The following STARD13 variants were observed in gnomAD, a reference collection of about 807,000 sequenced individuals.
STARD13 encodes StAR related lipid transfer domain containing 13.
A neutral mutation model predicts 106.4 loss-of-function variants in STARD13; 62 were observed. The ratio of observed to expected loss-of-function variants is 0.58; its 90% CI spans 0.48 to 0.72. The LOEUF (loss-of-function observed/expected upper bound fraction) is 0.72, where lower values mean the gene tolerates loss of function less well. Among genes scored for constraint, STARD13 ranks in the 30% least tolerant of loss-of-function variants. STARD13 has a pLI of 0.00. For missense variants in STARD13, 1,387 were observed against 1,424.0 expected, an observed-to-expected ratio of 0.97 and a Z score of 0.42; for synonymous variants, 565 against 553.0, an observed-to-expected ratio of 1.02 and a Z score of -0.31.
At chr13:33,369,861 C>T in the STARD13 span, among the ~76,000 whole-genome samples, 1 of 152,188 alleles carries the variant, frequency 6.6e-6, no homozygotes, top group African/African-American at 2.4e-5. Flanking sequence ...CAAGAAATAT[C>T]GATCAGTTCA....
intron 1 of STARD13, chr13:33,334,931 C>A (rs2077878186): frequency 6.6e-6 from 1 of 150,662 alleles, no homozygotes; most frequent in South Asian, 2.1e-4. Context: ...TTTTAAAAAG[C>A]TTTTCTGGTA....
chr13:33,586,065 A>G, the STARD13 span, among the ~76,000 whole-genome samples: 1 of 152,234 alleles, frequency 6.6e-6, no homozygotes, highest in Admixed American at 6.5e-5. Context: ...AATGATTAAA[A>G]AGGTAAATTT....
chr13:33,498,054 T>G, the STARD13 span, among the ~76,000 whole-genome samples: 1 of 152,190 alleles, frequency 6.6e-6, no homozygotes, highest in Non-Finnish European at 1.5e-5. Flanking sequence ...AAAAAAGAGC[T>G]GTCATACCAA....
chr13:33,599,499 C>T, the STARD13 span, among the ~76,000 whole-genome samples: 2 of 152,110 alleles, frequency 1.3e-5, no homozygotes, highest in Non-Finnish European at 2.9e-5. Flanking sequence ...AACTTCATTC[C>T]TAGGAGCTTA....
At chr13:33,416,697 T>G in the STARD13 span, among the ~76,000 whole-genome samples, 1 of 152,184 alleles carries the variant, frequency 6.6e-6, no homozygotes, top group Non-Finnish European at 1.5e-5. Flanking sequence ...TAATTCCAAG[T>G]GGACTGCAGA....
intron 1 of STARD13, among the ~76,000 whole-genome samples, chr13:33,306,566 G>C (rs991148389): frequency 6.6e-6 from 1 of 152,146 alleles, no homozygotes; most frequent in African/African-American, 2.4e-5. Context: ...GAAAATTTTT[G>C]CAATCTATCC....
At chr13:33,145,627 T>G (rs1049805699) in intron 3 of STARD13, among the ~76,000 whole-genome samples, 6 of 152,112 alleles carry the variant, frequency 3.9e-5, no homozygotes, top group Non-Finnish European at 7.4e-5. Flanking sequence ...CAAATGTCCA[T>G]CAGCTGGTAA....
chr13:33,242,665 T>C (rs1889589978), intron 1 of STARD13, among the ~76,000 whole-genome samples: 1 of 152,022 alleles, frequency 6.6e-6, no homozygotes, highest in Non-Finnish European at 1.5e-5. Context: ...TGTTCACATG[T>C]TTATCTGCTG....
At chr13:33,524,771 T>C in the STARD13 span, among the ~76,000 whole-genome samples, 2 of 152,110 alleles carry the variant, frequency 1.3e-5, no homozygotes, top group Non-Finnish European at 2.9e-5. Flanking sequence ...GATATGATGT[T>C]TTAAAACATG....
chr13:33,476,916 A>T, the STARD13 span, among the ~76,000 whole-genome samples: 3 of 152,208 alleles, frequency 2.0e-5, no homozygotes, highest in African/African-American at 7.2e-5. Flanking sequence ...GGAGAAGGTG[A>T]CACCAAAATG....
chr13:33,238,930 A>G (rs1889329325), intron 1 of STARD13, among the ~76,000 whole-genome samples: 1 of 152,094 alleles, frequency 6.6e-6, no homozygotes, highest in South Asian at 2.1e-4. Flanking sequence ...GAGGTAACAC[A>G]TTAGTGTTTT....
rs537257643 is a variant in STARD13 at position 33,190,647 on chromosome 13, C to T, written c.170-23025G>A. On this transcript the variant is annotated intron_variant, in intron 1 of 13. Transcript: ENST00000336934. ...TATTGCCTAGGCTGGAGTGCAATGG[C>T]ACAATCTTGGCTCACTGCAACCTCC... 6.7e-4 allele frequency among the ~76,000 whole-genome samples: 100 copies of T among 149,058 alleles called. 1 individual carries two copies. The highest frequency in any genetic ancestry group is 2.4e-3 in the Admixed American group (36 of 14,830).
the STARD13 span, among the ~76,000 whole-genome samples, chr13:33,383,411 G>C: frequency 3.9e-5 from 6 of 152,082 alleles, no homozygotes; most frequent in Admixed American, 3.9e-4. Flanking sequence ...CTTCTGCAGG[G>C]ACCAGTGTAA....
the STARD13 span, among the ~76,000 whole-genome samples, chr13:33,555,306 C>CAAGAGG: frequency 6.6e-6 from 1 of 152,176 alleles, no homozygotes; most frequent in African/African-American, 2.4e-5. Context: ...TCTTGCTGGG[C>CAAGAGG]TTCAGCAAAG....
At chr13:33,506,192 CAT>C in the STARD13 span, among the ~76,000 whole-genome samples, 3 of 152,030 alleles carry the variant, frequency 2.0e-5, no homozygotes, top group Admixed American at 6.6e-5. Flanking sequence ...TGTGTGACAA[CAT>C]AAGAAAGAAG....
chr13:33,121,441 G>A (rs1593883655), intron 7 of STARD13, among the ~76,000 whole-genome samples: 1 of 151,888 alleles, frequency 6.6e-6, no homozygotes, highest in Non-Finnish European at 1.5e-5. Flanking sequence ...GGTGGTGGGT[G>A]CCTGGAATCC....
chr13:33,312,624 T>C (rs867237532), intron 1 of STARD13, among the ~76,000 whole-genome samples: 1 of 152,202 alleles, frequency 6.6e-6, no homozygotes, highest in African/African-American at 2.4e-5. Flanking sequence ...CTTTCTAATA[T>C]ATATTATAAT....
At chr13:33,198,174 A>T (rs1249785822) in intron 1 of STARD13, among the ~76,000 whole-genome samples, 1 of 152,250 alleles carries the variant, frequency 6.6e-6, no homozygotes, top group Non-Finnish European at 1.5e-5. Context: ...TCTCAAAAAA[A>T]CAAAACAAAA....
intron 8 of STARD13, among the ~76,000 whole-genome samples, chr13:33,114,846 C>T (rs1875134233): frequency 6.6e-6 from 1 of 152,018 alleles, no homozygotes; most frequent in Non-Finnish European, 1.5e-5. Context: ...TTATTATTTA[C>T]TAAAAACGCT....
Sources: gnomAD v4.1 joint callset for allele counts (sites outside exome capture counted in the v4.1 genomes callset) on GRCh38, gnomAD v4.1.1 for gene constraint, MANE v1.5 for transcripts, NCBI Gene and HGNC (gene_info 2026-07-23, HGNC 2026-07-21) for gene names.